Variants in PROSER1 observed in about 807,000 individuals in gnomAD.
PROSER1 encodes proline and serine-rich protein 1.
A neutral mutation model predicts 71.8 loss-of-function variants in PROSER1; 36 were observed. The observed-to-expected ratio is 0.50, with a 90% CI of 0.38 to 0.66. PROSER1 has a LOEUF of 0.66. Among genes scored for constraint, PROSER1 ranks in the 30% least tolerant of loss-of-function variants. The pLI, the probability that PROSER1 is intolerant of heterozygous loss-of-function variation, is 0.00. For missense variants in PROSER1, 1,107 were observed against 1,135.0 expected (o/e 0.98, Z 0.35); for synonymous variants, 490 against 452.4 (o/e 1.08, Z -1.06).
At position 39,013,130 on chromosome 13, in the gene PROSER1, G is replaced by C. The variant is rs866780336; in HGVS notation, c.2122C>G (p.Pro708Ala). The C allele has an allele frequency of 6.2e-7, 1 of 1,614,060 alleles. No individual in the cohort carries two copies. Among genetic ancestry groups the C allele is most frequent in the African/African-American group, 1.3e-5 (1 of 74,926 alleles). Residue 708 changes from proline to alanine, a missense_variant, in exon 11 of 13, where the codon CCT (proline) becomes GCT (alanine). Coordinates refer to ENST00000352251, the MANE Select transcript of PROSER1 (RefSeq NM_025138.5). Reference protein sequence around the residue: ...PSFTSLTNNFPLTGNPSLNPS... With the variant: ...PSFTSLTNNFALTGNPSLNPS... ...TTAAGAGATGGGTTGCCAGTTAAAG[G>C]AAAATTGTTGGTCAAAGAAGTAAAA...
chr13:39,030,780 G>A (rs1192375826), intron 3 of PROSER1, among the ~76,000 whole-genome samples: 1 of 151,928 alleles, frequency 6.6e-6, no homozygotes, highest in Non-Finnish European at 1.5e-5. Flanking sequence ...TCCCTCTCAA[G>A]AGCAAAGCAC....
intron 10 of PROSER1, among the ~76,000 whole-genome samples, chr13:39,015,463 T>C (rs992283896): frequency 1.3e-5 from 2 of 152,206 alleles, no homozygotes; most frequent in Non-Finnish European, 2.9e-5. Flanking sequence ...GTTGCAGTGA[T>C]AACCAACTGA....
chr13:39,018,516 A>ACACT (rs1555239024), intron 9 of PROSER1, among the ~76,000 whole-genome samples: 1 of 148,996 alleles, frequency 6.7e-6, no homozygotes, highest in African/African-American at 2.5e-5. Context: ...ACACACACAC[A>ACACT]CTACTGGGAA....
intron 7 of PROSER1, 157 bp from the exon 8 acceptor site, chr13:39,023,287 G>C: frequency 1.8e-6 from 1 of 562,206 alleles, no homozygotes; most frequent in Non-Finnish European, 3.2e-6. Flanking sequence ...AAATTTCTTT[G>C]CTTTAATAAA....
intron 5 of PROSER1, among the ~76,000 whole-genome samples, chr13:39,027,466 G>C (rs1323689493): frequency 6.6e-6 from 1 of 152,114 alleles, no homozygotes; most frequent in African/African-American, 2.4e-5. Context: ...AAAGTGACAC[G>C]ATCGGAACAC....
intron 6 of PROSER1, among the ~76,000 whole-genome samples, chr13:39,025,277 AT>A (rs925053732): frequency 3.3e-5 from 5 of 152,186 alleles, no homozygotes; most frequent in African/African-American, 1.2e-4. Flanking sequence ...AAGTTGATAG[AT>A]TATTGCAGTG....
At chr13:39,025,436 G>A (rs1487957481) in intron 6 of PROSER1, among the ~76,000 whole-genome samples, 1 of 152,098 alleles carries the variant, frequency 6.6e-6, no homozygotes, top group Non-Finnish European at 1.5e-5. Flanking sequence ...GTAACACATG[G>A]GACATTGCAG....
intron 4 of PROSER1, among the ~76,000 whole-genome samples, chr13:39,028,863 T>G (rs546799158): frequency 1.8e-4 from 27 of 151,974 alleles, no homozygotes; most frequent in Non-Finnish European, 3.1e-4. Flanking sequence ...TCACAGACTT[T>G]CTGATATTTA....
rs755612990 is a variant in PROSER1, at chr13:39,013,461, G to A, written c.1791C>T (p.Thr597=). The A allele has an allele frequency of 5.0e-6, 8 of 1,614,098 alleles. No individual in the cohort carries two copies. The highest frequency in any genetic ancestry group is 2.2e-5 in the South Asian group (2 of 91,076). ...TAACAGGAAGAGTTGTTGCAGCAGGGGTAGATGAAATATGCAGATCTGAGG... is the reference window on the plus strand; with the variant it reads ...TAACAGGAAGAGTTGTTGCAGCAGGAGTAGATGAAATATGCAGATCTGAGG... The part of the protein sequence containing the change: ...PGTSDLHISS[T]PAATTLPVMI... The change falls in exon 11 of 13, where the codon ACC becomes ACT. Residue 597 remains threonine (T), a synonymous_variant. Transcript: ENST00000352251.
chr13:39,022,517 T>G, intron 8 of PROSER1, 105 bp from the exon 9 acceptor site: 1 of 744,376 alleles, frequency 1.3e-6, no homozygotes, highest in African/African-American at 1.8e-5. Flanking sequence ...CTATTCAATT[T>G]ATTATAAAAA....
chr13:39,018,091 T>C (rs1169923306), intron 9 of PROSER1: 2 of 152,804 alleles, frequency 1.3e-5, no homozygotes, highest in Non-Finnish European at 2.9e-5. Flanking sequence ...AGAAAGAAAC[T>C]GTCCTGCCCA....
In PROSER1 at chr13:39,014,163, A is replaced by G; in HGVS notation, c.1089T>C (p.Ser363=). The change falls in exon 11 of 13, where the codon TCT becomes TCC. Residue 363 remains serine (S), a synonymous_variant. Coordinates refer to ENST00000352251, the MANE Select transcript of PROSER1 (RefSeq NM_025138.5). ...AAGGACCTGGCAGTGACACTAGGCC[A>G]GAAAAAATGGAAGGAACAGGAGTGG... ...TTTTPVPSIF[S]GLVSLPGPSA... is the part of the protein sequence containing the mutation. The G allele has an allele frequency of 1.9e-6, 3 of 1,614,208 alleles. No individual in the cohort carries two copies. In the Admixed American group the frequency reaches 5.0e-5, roughly 27 times the overall value.
intron 9 of PROSER1, among the ~76,000 whole-genome samples, chr13:39,020,162 T>C (rs2138112081): frequency 6.6e-6 from 1 of 150,750 alleles, no homozygotes; most frequent in South Asian, 2.1e-4. Flanking sequence ...ACCAAAAATA[T>C]CTCTAAATTC....
rs1350990734 is a variant in PROSER1, at chr13:39,031,807, ATAACT to A, written c.112-181_112-177del. On this transcript the variant is annotated intron_variant, in intron 2 of 12. Coordinates refer to ENST00000352251, the MANE Select transcript of PROSER1 (RefSeq NM_025138.5). Reference sequence around the variant, plus strand: ...CTATTATATAGTTATATACATTTAAATAACTTAAAGTCAAATAAAATGTAAAAATC... The same window carrying A: ...CTATTATATAGTTATATACATTTAAATAAAGTCAAATAAAATGTAAAAATC... 7.5e-6 allele frequency: 4 copies of A among 536,558 alleles called. No homozygotes were observed. The African/African-American group carries it at 7.8e-5, about 10-fold the overall frequency. 33.2% of individuals were successfully genotyped at this position (536,558 alleles called of 1,614,324 possible).
At chr13:39,028,151 G>A in intron 5 of PROSER1, 76 bp downstream of exon 5, 1 of 749,552 alleles carries the variant, frequency 1.3e-6, no homozygotes, top group Non-Finnish European at 2.3e-6. Context: ...AAGTTAGTAA[G>A]AAGAAAGGTG....
chr13:39,022,531 C>T, intron 8 of PROSER1, 119 bp from the exon 9 acceptor site: 1 of 651,800 alleles, frequency 1.5e-6, no homozygotes, highest in South Asian at 2.0e-5. Flanking sequence ...ATAAAAACTC[C>T]TATTTAATAC....
In PROSER1 at chr13:39,012,172, C is replaced by T. The variant is rs1216146092; in HGVS notation, c.2623G>A (p.Gly875Ser). The change falls in exon 12 of 13, where the codon GGT becomes AGT. Residue 875 changes from glycine to serine, a missense_variant. Coordinates refer to ENST00000352251, the MANE Select transcript of PROSER1 (RefSeq NM_025138.5). Reference sequence around the variant, plus strand: ...GGATTCTGAGGAAACCCAGGGATACCCGGGAGGGACAAAAGGCCTGGAAAA... The same window carrying T: ...GGATTCTGAGGAAACCCAGGGATACTCGGGAGGGACAAAAGGCCTGGAAAA... The part of the protein sequence containing the change: ...SVFPGLLSLP[G>S]IPGFPQNPSQ... The T allele has an allele frequency of 6.2e-7, 1 of 1,614,078 alleles. No homozygotes were observed. Among genetic ancestry groups the T allele is most frequent in the East Asian group, 2.2e-5 (1 of 44,868 alleles).
At chr13:39,026,877 A>G (rs1306515515) in intron 5 of PROSER1, among the ~76,000 whole-genome samples, 2 of 152,156 alleles carry the variant, frequency 1.3e-5, no homozygotes, top group African/African-American at 4.8e-5. Flanking sequence ...CAACTTAGAC[A>G]ATGTTCAACA....
At chr13:39,021,957 T>C (rs991827838) in intron 9 of PROSER1, among the ~76,000 whole-genome samples, 1 of 152,190 alleles carries the variant, frequency 6.6e-6, no homozygotes. Flanking sequence ...ACCAATAATG[T>C]AGAATATATT....
Sources: allele counts gnomAD v4.1 joint callset (sites outside exome capture counted in the v4.1 genomes callset), GRCh38; gene constraint gnomAD v4.1.1; transcripts MANE v1.5; gene names NCBI Gene and HGNC (gene_info 2026-07-23, HGNC 2026-07-21).